CTNNA2: variants seen among roughly 807,000 people sequenced by gnomAD.
The protein encoded by CTNNA2 is catenin alpha-2.
CTNNA2 carries 42 observed loss-of-function variants against 101.0 expected under a neutral mutation model. The ratio of observed to expected loss-of-function variants is 0.42; its 90% confidence interval spans 0.32 to 0.54. CTNNA2 has a LOEUF of 0.54. Among genes scored for constraint, CTNNA2 ranks in the 20% least tolerant of loss-of-function variants. CTNNA2 has a pLI of 0.14. For synonymous variants in CTNNA2, 450 were observed against 456.4 expected, an observed-to-expected ratio of 0.99 and a Z score of 0.18; for missense variants, 871 against 1,223.1, an observed-to-expected ratio of 0.71 and a Z score of 4.29.
At chr2:79,797,541 TC>T (rs1249485838) in intron 3 of CTNNA2, among the ~76,000 whole-genome samples, 1 of 151,608 alleles carries the variant, frequency 6.6e-6, no homozygotes, top group Non-Finnish European at 1.5e-5. Context: ...ACACCTGTTG[TC>T]CCAGCTTACT....
chr2:79,395,225 A>T (rs960054646), intron 4 of CTNNA2, among the ~76,000 whole-genome samples: 1 of 152,102 alleles, frequency 6.6e-6, no homozygotes, highest in Non-Finnish European at 1.5e-5. Flanking sequence ...TGTCGTGAAA[A>T]TATTGACAAT....
At chr2:80,553,311 A>G (rs953548391) in intron 11 of CTNNA2, among the ~76,000 whole-genome samples, 6 of 152,170 alleles carry the variant, frequency 3.9e-5, no homozygotes, top group Non-Finnish European at 8.8e-5. Flanking sequence ...TAACCTGACT[A>G]TGTAACAGAT....
rs556965737 is a variant in CTNNA2 at position 80,124,093 on chromosome 2, C to T, written c.1056+214296C>T. Among the ~76,000 whole-genome samples the T allele has an allele frequency of 3.3e-5, 5 of 152,234 alleles. No homozygotes were observed. The South Asian group carries it at 1.0e-3, about 32-fold the overall frequency. ...CTCTCTTCTGCCTCTCACATCCATC[C>T]CTATAGTTTTGGCTTAGAACCAGCC... On this transcript the variant is annotated intron_variant, in intron 7 of 18. Transcript: ENST00000402739.
rs1676568172 is a variant in CTNNA2 at position 80,303,446 on chromosome 2, A to G, written c.1057-89765A>G. 6.2e-7 allele frequency: 1 copy of G among 1,614,020 alleles called. No individual in the cohort carries two copies. The highest frequency in any genetic ancestry group is 8.5e-7 in the Non-Finnish European group (1 of 1,180,034). On this transcript the variant is annotated intron_variant, in intron 7 of 18. Transcript: ENST00000402739. The surrounding 1 kb of genome is among the most constrained non-coding windows in gnomAD (Gnocchi z 7.7). ...GAAGGTGGTGTTGGGCAGTTGGGTG[A>G]TCTGGTTGGAACTCAGCGTGAGTTC...
At chr2:79,457,062 C>T (rs956570740) in intron 4 of CTNNA2, among the ~76,000 whole-genome samples, 13 of 151,756 alleles carry the variant, frequency 8.6e-5, no homozygotes, top group South Asian at 2.1e-4. Flanking sequence ...ATTAGCCGGG[C>T]GCGGTGGCGG....
intron 1 of CTNNA2, among the ~76,000 whole-genome samples, chr2:79,516,583 T>C (rs1424592171): frequency 6.6e-6 from 1 of 152,180 alleles, no homozygotes; most frequent in Non-Finnish European, 1.5e-5. Flanking sequence ...TCAGAGTAAT[T>C]ATACTATCAC....
At chr2:80,481,196 T>C (rs1174696852) in intron 9 of CTNNA2, among the ~76,000 whole-genome samples, 1 of 152,196 alleles carries the variant, frequency 6.6e-6, no homozygotes, top group East Asian at 1.9e-4. Flanking sequence ...GAGAGAAGTT[T>C]AGCTGTGAAA....
Position 80,589,390 on chromosome 2 carries a change from T to C in CTNNA2, c.2094T>C (p.Asp698=), listed in dbSNP as rs1212714849. ...EIFHQEKSKL[D]AEVAKWDDSG... The stretch of plus-strand genomic sequence containing the variant: ...TCCATCAAGAGAAAAGCAAGCTGGA[T>C]GCAGAAGTGGCCAAATGGGACGACA... Residue 698 remains aspartate (D), a synonymous_variant, in exon 15 of 19, where the codon GAT becomes GAC. Coordinates refer to ENST00000402739, the MANE Select transcript of CTNNA2 (RefSeq NM_001282597.3). The C allele has an allele frequency of 6.2e-7, 1 of 1,613,990 alleles. No individual in the cohort carries two copies. The highest frequency in any genetic ancestry group is 2.2e-5 in the East Asian group (1 of 44,876).
At position 80,558,733 on chromosome 2, in the gene CTNNA2, T is replaced by G. The variant is rs1031064045; in HGVS notation, c.1741+2840T>G. Among the ~76,000 whole-genome samples the G allele has an allele frequency of 2.3e-3, 347 of 151,960 alleles. 1 individual carries two copies. The highest frequency in any genetic ancestry group is 7.9e-3 in the African/African-American group (328 of 41,442). On this transcript the variant is annotated intron_variant, in intron 12 of 18. Transcript: ENST00000402739. ...ATTGTAGGGTGAGAGAGGGTGGTAG[T>G]GGGAAAAAAGGGAAAAATGCCAAGA...
At chr2:79,267,431 A>G (rs1057045366) in intron 2 of CTNNA2, among the ~76,000 whole-genome samples, 4 of 152,078 alleles carry the variant, frequency 2.6e-5, no homozygotes, top group African/African-American at 9.7e-5. Context: ...TCTCTTTTAT[A>G]AGGGCACTAA....
At chr2:79,261,775 G>C (rs12713983) in intron 2 of CTNNA2, among the ~76,000 whole-genome samples, 89,908 of 152,090 alleles carry the variant, frequency 0.59, 26,823 homozygotes, top group Non-Finnish European at 0.61. Context: ...AGGGATTCAG[G>C]CTTCAACCCA....
At chr2:80,381,090 GT>G (rs1372020557) in intron 7 of CTNNA2, among the ~76,000 whole-genome samples, 2 of 152,012 alleles carry the variant, frequency 1.3e-5, no homozygotes, top group African/African-American at 4.8e-5. Flanking sequence ...GCTCAGTGAG[GT>G]CCCTGATTCA....
At chr2:79,405,427 G>A (rs1678331087) in intron 4 of CTNNA2, among the ~76,000 whole-genome samples, 1 of 152,048 alleles carries the variant, frequency 6.6e-6, no homozygotes, top group Admixed American at 6.6e-5. Flanking sequence ...CTGGGTTCAA[G>A]CGATTCTCCT....
chr2:79,897,857 C>T (rs1684820039), intron 6 of CTNNA2, among the ~76,000 whole-genome samples: 1 of 152,158 alleles, frequency 6.6e-6, no homozygotes, highest in Admixed American at 6.5e-5. Flanking sequence ...TGCCCTTCCC[C>T]TATGGAGGGG....
chr2:80,473,778 G>C (rs2149489613), intron 9 of CTNNA2, among the ~76,000 whole-genome samples: 1 of 152,296 alleles, frequency 6.6e-6, no homozygotes, highest in Admixed American at 6.5e-5. Flanking sequence ...GAATAGATTT[G>C]ATGCTGCAGT....
chr2:79,967,304 G>A (rs200181953), intron 7 of CTNNA2, among the ~76,000 whole-genome samples: 10 of 152,082 alleles, frequency 6.6e-5, no homozygotes, highest in Middle Eastern at 3.4e-3. Context: ...TCATCCAGGC[G>A]TCTAGGTCCC....
chr2:80,183,401 T>C (rs1412688118), intron 7 of CTNNA2, among the ~76,000 whole-genome samples: 3 of 152,206 alleles, frequency 2.0e-5, no homozygotes, highest in Non-Finnish European at 4.4e-5. Flanking sequence ...CCTCCAATCA[T>C]AGTTGGTTTT....
chr2:80,285,586 G>C (rs1278037265), intron 7 of CTNNA2, among the ~76,000 whole-genome samples: 1 of 152,134 alleles, frequency 6.6e-6, no homozygotes, highest in East Asian at 1.9e-4. Context: ...TGGGGACCAA[G>C]TCATTATTCC....
chr2:79,550,483 A>G (rs373840165), intron 1 of CTNNA2, among the ~76,000 whole-genome samples: 3 of 152,190 alleles, frequency 2.0e-5, no homozygotes, highest in African/African-American at 7.2e-5. Context: ...GCCTCACACC[A>G]CATCATCCAC....
Sources: allele counts gnomAD v4.1 joint callset (sites outside exome capture counted in the v4.1 genomes callset), GRCh38; gene constraint gnomAD v4.1.1; non-coding constraint Gnocchi (gnomAD v3.1); transcripts MANE v1.5; gene names NCBI Gene and HGNC (gene_info 2026-07-23, HGNC 2026-07-21).